FAM107B: variants seen among roughly 807,000 people sequenced by gnomAD.
The protein encoded by FAM107B is family with sequence similarity 107 member B, also known as protein FAM107B.
A neutral mutation model predicts 31.5 loss-of-function variants in FAM107B; 21 were observed. The ratio of observed to expected loss-of-function variants is 0.67; its 90% CI spans 0.47 to 0.96. The LOEUF is 0.96. FAM107B is among the 40% of genes least tolerant of loss of function. The pLI, the probability that FAM107B is intolerant of heterozygous loss-of-function variation, is 0.00. For synonymous variants in FAM107B, 157 were observed against 141.5 expected, an observed-to-expected ratio of 1.11 and a Z score of -0.78; for missense variants, 452 against 377.1, an observed-to-expected ratio of 1.20 and a Z score of -1.64.
intron 2 of FAM107B, among the ~76,000 whole-genome samples, chr10:14,550,810 G>A (rs944152688): frequency 4.6e-5 from 7 of 152,072 alleles, no homozygotes; most frequent in African/African-American, 1.4e-4. Context: ...AGGAGCTACT[G>A]GTTACTTTAA....
At chr10:14,609,782 C>T (rs1386041125) in intron 2 of FAM107B, among the ~76,000 whole-genome samples, 2 of 152,160 alleles carry the variant, frequency 1.3e-5, no homozygotes, top group Non-Finnish European at 2.9e-5. Context: ...TGGAGGCTAT[C>T]TTAGAATTCT....
At chr10:14,611,528 A>T (rs892741171) in intron 2 of FAM107B, among the ~76,000 whole-genome samples, 16 of 127,986 alleles carry the variant, frequency 1.3e-4, no homozygotes, top group African/African-American at 4.3e-4. Context: ...ATATATATAT[A>T]TTCACCTAAC....
At chr10:14,612,083 C>G (rs1458343282) in intron 2 of FAM107B, among the ~76,000 whole-genome samples, 1 of 152,120 alleles carries the variant, frequency 6.6e-6, no homozygotes, top group African/African-American at 2.4e-5. Flanking sequence ...GAAGAGAGAG[C>G]TGTGTGATCC....
intron 3 of FAM107B, 90 bp from the exon 4 acceptor site, chr10:14,522,109 GA>G: frequency 6.7e-7 from 1 of 1,489,166 alleles, no homozygotes; most frequent in East Asian, 2.3e-5. Context: ...ATCAACCACG[GA>G]AAAGTGGTCT....
chr10:14,753,779 C>T (rs534391587), intron 1 of FAM107B, among the ~76,000 whole-genome samples: 1 of 152,192 alleles, frequency 6.6e-6, no homozygotes, highest in East Asian at 1.9e-4. Flanking sequence ...ATATGCTTAA[C>T]ATTTCCATTT....
intron 2 of FAM107B, chr10:14,602,642 T>C (rs1024921417): frequency 2.0e-5 from 3 of 152,234 alleles, no homozygotes; most frequent in South Asian, 2.1e-4. Flanking sequence ...ATATTTCTTA[T>C]GAATCTCAGA....
intron 2 of FAM107B, among the ~76,000 whole-genome samples, chr10:14,589,451 G>T (rs1588638543): frequency 6.6e-6 from 1 of 152,064 alleles, no homozygotes; most frequent in South Asian, 2.1e-4. Flanking sequence ...AATTAGAGCT[G>T]GTAGGTTTTT....
chr10:14,621,385 G>A (rs4750540), intron 2 of FAM107B, among the ~76,000 whole-genome samples: 17,156 of 152,186 alleles, frequency 0.11, 1,249 homozygotes, highest in Admixed American at 0.26. Flanking sequence ...CAGACTCTTT[G>A]ATTCTAGATC....
At chr10:14,623,159 T>C (rs1038447000) in intron 2 of FAM107B, among the ~76,000 whole-genome samples, 4 of 152,252 alleles carry the variant, frequency 2.6e-5, no homozygotes, top group Non-Finnish European at 5.9e-5. Context: ...TGTTCATCTT[T>C]TGTTGATTTA....
At chr10:14,596,602 C>T (rs1430246966) in intron 2 of FAM107B, among the ~76,000 whole-genome samples, 2 of 152,108 alleles carry the variant, frequency 1.3e-5, no homozygotes, top group Non-Finnish European at 2.9e-5. Context: ...TAAGAATATG[C>T]AAACCCCAAG....
chr10:14,554,539 G>T (rs1464927070), intron 2 of FAM107B, among the ~76,000 whole-genome samples: 1 of 152,204 alleles, frequency 6.6e-6, no homozygotes, highest in Non-Finnish European at 1.5e-5. Context: ...GTGTGAAATG[G>T]ACTGGACCAG....
At chr10:14,594,501 C>CA (rs371126997) in intron 2 of FAM107B, among the ~76,000 whole-genome samples, 31,220 of 79,022 alleles carry the variant, frequency 0.4, 4,878 homozygotes, top group Non-Finnish European at 0.46. Context: ...AAGACCCTGC[C>CA]AAAAAAAAAA....
chr10:14,736,951 G>A (rs930604907), intron 1 of FAM107B, among the ~76,000 whole-genome samples: 3 of 152,166 alleles, frequency 2.0e-5, no homozygotes, highest in East Asian at 1.9e-4. Context: ...GACACCAGGC[G>A]GCCTTGTTGG....
intron 2 of FAM107B, chr10:14,604,225 G>A (rs1397507701): frequency 1.0e-6 from 1 of 979,644 alleles, no homozygotes; most frequent in African/African-American, 1.8e-5. Flanking sequence ...AAGTAAGTGC[G>A]GGAGGCGAAC....
intron 1 of FAM107B, among the ~76,000 whole-genome samples, chr10:14,764,644 A>G (rs924509698): frequency 1.3e-5 from 2 of 152,242 alleles, no homozygotes; most frequent in Non-Finnish European, 2.9e-5. Context: ...GTGGAAAACT[A>G]AAAGCAGTTC....
chr10:14,582,660 A>AC (rs1488549048), intron 2 of FAM107B, among the ~76,000 whole-genome samples: 1 of 151,104 alleles, frequency 6.6e-6, no homozygotes, highest in Non-Finnish European at 1.5e-5. Context: ...TACAGGCGTG[A>AC]GCCACCACAC....
At chr10:14,603,094 G>T (rs1415121529) in intron 2 of FAM107B, among the ~76,000 whole-genome samples, 2 of 151,854 alleles carry the variant, frequency 1.3e-5, no homozygotes, top group African/African-American at 4.8e-5. Flanking sequence ...GGGTGTGTTT[G>T]GGTGGTGAGC....
chr10:14,747,494 CTGT>C (rs1002865509), intron 1 of FAM107B, among the ~76,000 whole-genome samples: 2 of 152,050 alleles, frequency 1.3e-5, no homozygotes, highest in African/African-American at 4.8e-5. Flanking sequence ...TTTGTTGATG[CTGT>C]TGTTGTTGTT....
chr10:14,676,714 T>C (rs1854691359), intron 1 of FAM107B, among the ~76,000 whole-genome samples: 1 of 152,238 alleles, frequency 6.6e-6, no homozygotes. Context: ...GAAACTGCAC[T>C]GTATGTGTGC....
Sources: allele counts gnomAD v4.1 joint callset (sites outside exome capture counted in the v4.1 genomes callset), GRCh38; gene constraint gnomAD v4.1.1; transcripts MANE v1.5; gene names NCBI Gene and HGNC (gene_info 2026-07-23, HGNC 2026-07-21).